PSD3: variants seen among roughly 807,000 people sequenced by gnomAD.
The protein encoded by PSD3 is pleckstrin and Sec7 domain containing 3.
Under a neutral mutation model 105.5 loss-of-function variants are expected in PSD3, and 49 were observed. The observed-to-expected ratio is 0.46, with a 90% CI of 0.37 to 0.59. PSD3 has a LOEUF of 0.59. Among genes scored for constraint, PSD3 ranks in the 20% least tolerant of loss-of-function variants. The pLI is 0.00. For synonymous variants in PSD3, 557 were observed against 457.8 expected (o/e 1.22, Z -2.77); for missense variants, 1,561 against 1,263.8 (o/e 1.24, Z -3.57).
At chr8:18,591,752 C>G (rs1020480265) in intron 12 of PSD3, among the ~76,000 whole-genome samples, 15 of 152,272 alleles carry the variant, frequency 9.9e-5, no homozygotes, top group African/African-American at 3.6e-4. Context: ...GTATCTGACT[C>G]TCCTGATTCA....
intron 9 of PSD3, among the ~76,000 whole-genome samples, chr8:18,656,215 A>ATG (rs1413005993): frequency 7.2e-5 from 11 of 151,746 alleles, no homozygotes; most frequent in African/African-American, 2.4e-4. Context: ...GTGCCACCAC[A>ATG]CCTGGCTAAT....
intron 11 of PSD3, among the ~76,000 whole-genome samples, chr8:18,615,994 C>T (rs951458669): frequency 1.3e-5 from 2 of 151,822 alleles, no homozygotes; most frequent in Admixed American, 6.6e-5. Flanking sequence ...TGAGCAGCCT[C>T]CAGACAGAAT....
intron 1 of PSD3, among the ~76,000 whole-genome samples, chr8:18,952,029 A>C (rs1012248413): frequency 6.6e-6 from 1 of 152,192 alleles, no homozygotes; most frequent in Admixed American, 6.5e-5. Flanking sequence ...TTGCTACATA[A>C]GACTGATTCA....
intron 11 of PSD3, among the ~76,000 whole-genome samples, chr8:18,614,115 A>G (rs1805476696): frequency 6.6e-6 from 1 of 152,210 alleles, no homozygotes. Flanking sequence ...CTTAGTTGAC[A>G]TGCCTCATCC....
At chr8:18,607,690 AAAAAACAAAAC>A (rs1296567038) in intron 11 of PSD3, among the ~76,000 whole-genome samples, 28,227 of 139,760 alleles carry the variant, frequency 0.2, 4,227 homozygotes, top group African/African-American at 0.27. Flanking sequence ...CTACAAAAAA[AAAAAACAAAAC>A]AAAAAAAAAA....
At chr8:18,792,589 C>A (rs1187136759) in intron 8 of PSD3, among the ~76,000 whole-genome samples, 2 of 152,070 alleles carry the variant, frequency 1.3e-5, no homozygotes, top group South Asian at 2.1e-4. Context: ...GGAGTAAGAA[C>A]ATCAGGAAGA....
intron 11 of PSD3, among the ~76,000 whole-genome samples, chr8:18,602,029 A>G (rs930188399): frequency 6.6e-6 from 1 of 152,174 alleles, no homozygotes; most frequent in Non-Finnish European, 1.5e-5. Flanking sequence ...GCTTCATTTT[A>G]AAATGTGGGT....
intron 1 of PSD3, among the ~76,000 whole-genome samples, chr8:18,958,482 G>A (rs550263680): frequency 6.6e-6 from 1 of 152,164 alleles, no homozygotes; most frequent in East Asian, 1.9e-4. Context: ...GATTCTTTCT[G>A]AGCACTCAAG....
At chr8:18,546,025 G>C (rs1014290741) in intron 15 of PSD3, among the ~76,000 whole-genome samples, 3 of 151,998 alleles carry the variant, frequency 2.0e-5, no homozygotes, top group African/African-American at 7.3e-5. Flanking sequence ...TTTTGAGATG[G>C]AGTCTCACTC....
At chr8:18,830,776 A>G (rs555619610) in intron 4 of PSD3, among the ~76,000 whole-genome samples, 15 of 152,278 alleles carry the variant, frequency 9.9e-5, no homozygotes, top group African/African-American at 3.4e-4. Flanking sequence ...GTAGACATGG[A>G]AGTATCTGCT....
chr8:19,084,119 C>T (rs937495198), intron 1 of PSD3: 9 of 375,560 alleles, frequency 2.4e-5, no homozygotes, highest in African/African-American at 1.3e-4. Context: ...GAGGAGAGAA[C>T]CAACGCCAGA....
At chr8:18,787,404 A>G (rs12544519) in intron 8 of PSD3, among the ~76,000 whole-genome samples, 1 of 152,214 alleles carries the variant, frequency 6.6e-6, no homozygotes, top group East Asian at 1.9e-4. Flanking sequence ...AGATGCAACT[A>G]AAGATGAAGC....
chr8:18,983,118 C>A (rs188058034), intron 1 of PSD3, among the ~76,000 whole-genome samples: 1 of 152,356 alleles, frequency 6.6e-6, no homozygotes, highest in East Asian at 1.9e-4. Flanking sequence ...TGCTGCTTCA[C>A]CTTTATGTTA....
At chr8:19,006,091 C>G (rs6586792) in intron 1 of PSD3, among the ~76,000 whole-genome samples, 148,041 of 151,516 alleles carry the variant, frequency 0.98, 72,416 homozygotes, top group Middle Eastern at 1. Context: ...TCAAGAGATT[C>G]AGATCATCCT....
chr8:18,925,913 A>T (rs886855530), intron 2 of PSD3, among the ~76,000 whole-genome samples: 4 of 152,136 alleles, frequency 2.6e-5, no homozygotes, highest in Non-Finnish European at 4.4e-5. Flanking sequence ...TTTTAAAAAA[A>T]TTTTCTTTCT....
intron 2 of PSD3, among the ~76,000 whole-genome samples, chr8:18,881,378 A>G (rs1818091737): frequency 6.6e-6 from 1 of 152,204 alleles, no homozygotes; most frequent in African/African-American, 2.4e-5. Flanking sequence ...CCTGTTCCAT[A>G]AGATCGGCTG....
intron 1 of PSD3, among the ~76,000 whole-genome samples, chr8:19,077,455 T>C (rs755465985): frequency 6.6e-6 from 1 of 152,124 alleles, no homozygotes; most frequent in Non-Finnish European, 1.5e-5. Context: ...CTGATGACTT[T>C]AGAAGGAAGG....
At chr8:18,774,607 T>G in intron 8 of PSD3, 1 of 379,122 alleles carries the variant, frequency 2.6e-6, no homozygotes, top group South Asian at 2.2e-5. Context: ...TGCTGCTTCT[T>G]GGTCTTCAGG....
intron 1 of PSD3, among the ~76,000 whole-genome samples, chr8:19,027,101 C>G (rs777393052): frequency 6.6e-6 from 1 of 151,980 alleles, no homozygotes; most frequent in Non-Finnish European, 1.5e-5. Flanking sequence ...CATTATGAAC[C>G]CTTACATTGG....
Sources: allele counts gnomAD v4.1 joint callset (sites outside exome capture counted in the v4.1 genomes callset), GRCh38; gene constraint gnomAD v4.1.1; transcripts MANE v1.5; gene names NCBI Gene and HGNC (gene_info 2026-07-23, HGNC 2026-07-21).